DNA2: variants seen among roughly 807,000 people sequenced by gnomAD.
The protein encoded by DNA2 is DNA replication helicase/nuclease 2.
Under a neutral mutation model 119.1 loss-of-function variants are expected in DNA2, and 101 were observed. The ratio of observed to expected loss-of-function variants is 0.85; its 90% CI spans 0.72 to 1.00. DNA2 has a LOEUF of 1.00. DNA2 is among the 50% of genes least tolerant of loss of function. DNA2 has a pLI of 0.00. For synonymous variants in DNA2, 366 were observed against 424.4 expected (o/e 0.86, Z 1.69); for missense variants, 1,121 against 1,255.5 (o/e 0.89, Z 1.62).
chr10:68,432,361 G>A (rs2051834249), intron 11 of DNA2, 33 bp downstream of exon 11: 1 of 1,558,344 alleles, frequency 6.4e-7, no homozygotes, highest in Non-Finnish European at 8.8e-7. Flanking sequence ...TAGAAAAGTG[G>A]AGTGAAATTC....
At chr10:68,426,711 C>A (rs1198304518) in intron 14 of DNA2, among the ~76,000 whole-genome samples, 2 of 143,998 alleles carry the variant, frequency 1.4e-5, no homozygotes, top group Non-Finnish European at 3.0e-5. Context: ...TGGTGGTGGG[C>A]GCCTGTGGTC....
intron 4 of DNA2, among the ~76,000 whole-genome samples, chr10:68,460,030 T>TACACACACACACACACAC (rs150226727): frequency 1.9e-4 from 27 of 145,702 alleles, no homozygotes; most frequent in East Asian, 1.4e-3. Flanking sequence ...CCATCACAAA[T>TACACACACACACACACAC]ACACACACAC....
chr10:68,427,272 C>T (rs1415056867), intron 14 of DNA2, among the ~76,000 whole-genome samples: 1 of 151,386 alleles, frequency 6.6e-6, no homozygotes, highest in Non-Finnish European at 1.5e-5. Context: ...GCAGGAGAAT[C>T]ACTTGAACCT....
intron 9 of DNA2, among the ~76,000 whole-genome samples, chr10:68,438,376 G>A (rs943052315): frequency 2.0e-5 from 3 of 151,456 alleles, no homozygotes; most frequent in African/African-American, 2.4e-5. Flanking sequence ...AAAATTAGCC[G>A]GGCATGGTGG....
At chr10:68,448,968 C>CGTGTGCGTGT (rs1554907484) in intron 6 of DNA2, among the ~76,000 whole-genome samples, 26 of 109,658 alleles carry the variant, frequency 2.4e-4, no homozygotes, top group Admixed American at 3.9e-4. Context: ...TGTGTGTGTG[C>CGTGTGCGTGT]GTGTGTGTGT....
chr10:68,451,459 C>T (rs1385708526), intron 5 of DNA2, among the ~76,000 whole-genome samples: 1 of 152,114 alleles, frequency 6.6e-6, no homozygotes, highest in Non-Finnish European at 1.5e-5. Flanking sequence ...AAGATTTACT[C>T]ATTTTCAGAG....
chr10:68,468,237 T>C lies in DNA2; in HGVS notation c.327A>G (p.Ile109Met). ...LEGDCTSDTW[I>M]IDKDFGYLIL... ...TCAAATATCCAAAATCTTTATCTAT[T>C]ATCCAAGTGTCAGATGTGCAGTCTC... Residue 109 changes from isoleucine to methionine, a missense_variant, in exon 3 of 21, where the codon ATA (isoleucine) becomes ATG (methionine). Transcript: ENST00000358410. 2 of 1,612,232 alleles carry C rather than the reference T, an allele frequency of 1.2e-6. No homozygotes were observed. Among genetic ancestry groups the C allele is most frequent in the Non-Finnish European group, 1.7e-6 (2 of 1,179,278 alleles).
At chr10:68,455,488 G>C (rs984212706) in intron 5 of DNA2, among the ~76,000 whole-genome samples, 2 of 151,718 alleles carry the variant, frequency 1.3e-5, no homozygotes, top group African/African-American at 2.4e-5. Context: ...GTAGGGAGCT[G>C]GTGGCAAATT....
chr10:68,418,000 A>AT (rs1386631309), intron 19 of DNA2, among the ~76,000 whole-genome samples: 2 of 152,208 alleles, frequency 1.3e-5, no homozygotes, highest in Non-Finnish European at 2.9e-5. Context: ...GTGCTGGGGA[A>AT]GAAGAAAATG....
rs374609864 is a variant in DNA2 at position 68,434,748 on chromosome 10, CA to C, written c.1647-2239del. 3.8e-3 allele frequency among the ~76,000 whole-genome samples: 572 copies of C among 152,272 alleles called. 2 individuals are homozygous for C. Among genetic ancestry groups the C allele is most frequent in the Non-Finnish European group, 6.6e-3 (449 of 68,016 alleles). On this transcript the variant is annotated intron_variant, in intron 10 of 20. Coordinates refer to ENST00000358410, the MANE Select transcript of DNA2 (RefSeq NM_001080449.3). ...CATGGTAGACACTAAATAAATACTG[CA>C]AAGGATACACAAATCCAAGCAGACA...
At chr10:68,426,288 A>C (rs1237774126) in intron 14 of DNA2, among the ~76,000 whole-genome samples, 1 of 152,014 alleles carries the variant, frequency 6.6e-6, no homozygotes, top group Non-Finnish European at 1.5e-5. Context: ...CTGTAATCCC[A>C]GCACTTTGGG....
Position 68,416,769 on chromosome 10 carries a change from G to C in DNA2, c.3054C>G (p.Pro1018=). The C allele has an allele frequency of 1.9e-6, 3 of 1,613,824 alleles. No individual in the cohort carries two copies. Among genetic ancestry groups the C allele is most frequent in the South Asian group, 2.2e-5 (2 of 91,082 alleles). ...CCAAAGGAGGATAGCAATTTAGTGA[G>C]GGCACACACCCCAGAAGAATCAGTT... is the stretch of plus-strand genomic sequence containing the variant. The part of the protein sequence containing the change: ...KHKLILLGCV[P]SLNCYPPLEK... Residue 1018 remains proline (P), a synonymous_variant, in exon 20 of 21, where the codon CCC becomes CCG. Transcript: ENST00000358410.
chr10:68,416,897 T>C (rs1200472256), intron 19 of DNA2, 42 bp from the exon 20 acceptor site: 6 of 1,551,990 alleles, frequency 3.9e-6, no homozygotes, highest in Non-Finnish European at 5.3e-6. Context: ...TTCAAAGGAA[T>C]GGTTAAATAT....
At chr10:68,424,663 C>T (rs1156301917) in intron 14 of DNA2, 3 of 1,607,192 alleles carry the variant, frequency 1.9e-6, no homozygotes, top group South Asian at 1.1e-5. Flanking sequence ...TCCCCGCTCT[C>T]CAAGGAGCTG....
In DNA2 at chr10:68,450,160, C is replaced by T. The variant is rs2052099622; in HGVS notation, c.807G>A (p.Arg269=). ...MDIEESIWSP[R]FGLKGKIDVT... ...CATCTATTTTGCCTTTCAATCCAAA[C>T]CTAGGGGACCAAATGCTTTCTTCAA... The change falls in exon 6 of 21, where the codon AGG becomes AGA. Residue 269 remains arginine (R), a synonymous_variant. Transcript: ENST00000358410. 1 of 1,607,672 alleles carries T rather than the reference C, an allele frequency of 6.2e-7. No individual in the cohort carries two copies. The highest frequency in any genetic ancestry group is 2.2e-5 in the East Asian group (1 of 44,796).
intron 20 of DNA2, 125 bp from the exon 21 acceptor site, chr10:68,415,232 A>G: frequency 3.4e-6 from 2 of 591,390 alleles, no homozygotes; most frequent in Non-Finnish European, 6.0e-6. Context: ...TCTTTATGGC[A>G]TTCAATGAAT....
intron 17 of DNA2, among the ~76,000 whole-genome samples, chr10:68,420,681 C>A (rs2051652800): frequency 6.7e-6 from 1 of 149,646 alleles, no homozygotes; most frequent in East Asian, 2.0e-4. Context: ...CCTCCTACAT[C>A]ATCCCTAAGC....
chr10:68,431,652 C>A (rs1248498889), intron 13 of DNA2, among the ~76,000 whole-genome samples: 1 of 152,140 alleles, frequency 6.6e-6, no homozygotes, highest in South Asian at 2.1e-4. Context: ...TAACGGAAAG[C>A]GATCTTAGAA....
intron 14 of DNA2, among the ~76,000 whole-genome samples, chr10:68,427,967 AG>A (rs2051764987): frequency 6.8e-6 from 1 of 146,690 alleles, no homozygotes; most frequent in Non-Finnish European, 1.5e-5. Context: ...TGGGAGGCAA[AG>A]GTTGCAGTGA....
Sources: gnomAD v4.1 joint callset for allele counts (sites outside exome capture counted in the v4.1 genomes callset) on GRCh38, gnomAD v4.1.1 for gene constraint, MANE v1.5 for transcripts, NCBI Gene and HGNC (gene_info 2026-07-23, HGNC 2026-07-21) for gene names.